The following CPA6 variants were observed in gnomAD, a reference collection of about 807,000 sequenced individuals.
The protein encoded by CPA6 is carboxypeptidase A6.
CPA6 carries 58 observed loss-of-function variants against 63.3 expected under a neutral mutation model. That is an observed-to-expected ratio of 0.92 (90% confidence interval 0.74 to 1.14). CPA6 has a LOEUF of 1.14. Ranked by LOEUF, CPA6 falls within the 50% of genes most tolerant of loss-of-function variation. The pLI is 0.00. For missense variants in CPA6, 565 were observed against 526.6 expected (o/e 1.07, Z -0.71); for synonymous variants, 185 against 179.0 (o/e 1.03, Z -0.27).
At chr8:67,582,567 GA>G (rs1181476906) in intron 2 of CPA6, among the ~76,000 whole-genome samples, 132 of 152,338 alleles carry the variant, frequency 8.7e-4, no homozygotes, top group African/African-American at 3.0e-3. Flanking sequence ...GCCCTGTTAT[GA>G]ATGCCTGGAG....
At chr8:67,631,945 G>A (rs868464982) in intron 1 of CPA6, among the ~76,000 whole-genome samples, 2 of 151,964 alleles carry the variant, frequency 1.3e-5, no homozygotes, top group East Asian at 1.9e-4. Context: ...GAACATGTCC[G>A]AACATCAGAA....
At chr8:67,597,552 CT>C (rs1218065295) in intron 2 of CPA6, among the ~76,000 whole-genome samples, 1 of 152,144 alleles carries the variant, frequency 6.6e-6, no homozygotes, top group Non-Finnish European at 1.5e-5. Flanking sequence ...TTATGCTTCT[CT>C]CTGGGTATTT....
At chr8:67,643,721 ATTAT>A (rs1196273688) in intron 1 of CPA6, among the ~76,000 whole-genome samples, 1 of 152,178 alleles carries the variant, frequency 6.6e-6, no homozygotes, top group South Asian at 2.1e-4. Context: ...TTGTTGTATA[ATTAT>A]TTGTTAAAAC....
intron 2 of CPA6, among the ~76,000 whole-genome samples, chr8:67,591,410 T>C (rs528433394): frequency 9.2e-4 from 140 of 152,268 alleles, no homozygotes; most frequent in African/African-American, 3.0e-3. Context: ...TAGTTTTTTC[T>C]AATTCTGTGA....
chr8:67,670,553 A>G (rs1816321383), intron 1 of CPA6, among the ~76,000 whole-genome samples: 1 of 152,196 alleles, frequency 6.6e-6, no homozygotes, highest in African/African-American at 2.4e-5. Flanking sequence ...CTGATAAGCC[A>G]TTTATTAATG....
intron 2 of CPA6, among the ~76,000 whole-genome samples, chr8:67,578,022 T>C (rs1309793331): frequency 6.6e-6 from 1 of 152,250 alleles, no homozygotes; most frequent in African/African-American, 2.4e-5. Flanking sequence ...GGCTAAAATT[T>C]GAATTGCATA....
intron 8 of CPA6, among the ~76,000 whole-genome samples, chr8:67,458,236 G>A (rs1810721622): frequency 6.6e-6 from 1 of 152,114 alleles, no homozygotes; most frequent in South Asian, 2.1e-4. Context: ...TCACTCTGTT[G>A]CCCAGGTTGG....
At chr8:67,679,509 T>C (rs1331942009) in intron 1 of CPA6, among the ~76,000 whole-genome samples, 2 of 152,190 alleles carry the variant, frequency 1.3e-5, no homozygotes, top group Non-Finnish European at 2.9e-5. Flanking sequence ...TATAATTGAC[T>C]CAAATATTAC....
chr8:67,478,978 G>A (rs73262680), intron 8 of CPA6, among the ~76,000 whole-genome samples: 10,250 of 152,160 alleles, frequency 0.067, 803 homozygotes, highest in African/African-American at 0.19. Context: ...TTGAGATCAC[G>A]TCACTGCACT....
At chr8:67,616,906 G>C (rs1244762598) in intron 2 of CPA6, among the ~76,000 whole-genome samples, 4 of 152,122 alleles carry the variant, frequency 2.6e-5, no homozygotes, top group Admixed American at 2.0e-4. Context: ...ACAGGTGATG[G>C]CAGGTACATG....
chr8:67,462,582 A>T (rs1810837032), intron 8 of CPA6, among the ~76,000 whole-genome samples: 1 of 152,186 alleles, frequency 6.6e-6, no homozygotes, highest in African/African-American at 2.4e-5. Flanking sequence ...TTGGATGGAC[A>T]TTGCCAAAGA....
chr8:67,675,952 G>T (rs1347317668), intron 1 of CPA6, among the ~76,000 whole-genome samples: 1 of 152,282 alleles, frequency 6.6e-6, no homozygotes, highest in African/African-American at 2.4e-5. Context: ...TTGGACTAAA[G>T]CCATCCTCTA....
At chr8:67,522,169 C>CT (rs35098518) in intron 2 of CPA6, among the ~76,000 whole-genome samples, 12 of 152,028 alleles carry the variant, frequency 7.9e-5, no homozygotes, top group Admixed American at 3.3e-4. Flanking sequence ...TTAAATGGTG[C>CT]TTTTTTCAGG....
At chr8:67,522,471 A>G (rs1297315149) in intron 2 of CPA6, among the ~76,000 whole-genome samples, 1 of 152,196 alleles carries the variant, frequency 6.6e-6, no homozygotes, top group Non-Finnish European at 1.5e-5. Context: ...GGAGTGAGAA[A>G]AAACTGCTGG....
intron 2 of CPA6, among the ~76,000 whole-genome samples, chr8:67,592,746 T>C (rs1484304447): frequency 6.6e-6 from 1 of 152,200 alleles, no homozygotes; most frequent in African/African-American, 2.4e-5. Flanking sequence ...CCCTTTATCA[T>C]TTTTTATTGC....
chr8:67,567,160 A>T (rs1038992943), intron 2 of CPA6, among the ~76,000 whole-genome samples: 2 of 152,198 alleles, frequency 1.3e-5, no homozygotes, highest in African/African-American at 4.8e-5. Flanking sequence ...AATGTGTATG[A>T]TTATTCAGAC....
intron 1 of CPA6, among the ~76,000 whole-genome samples, chr8:67,727,109 T>C (rs1305002280): frequency 3.3e-5 from 5 of 152,122 alleles, no homozygotes; most frequent in Non-Finnish European, 5.9e-5. Context: ...TGTTCATGCT[T>C]CATGCAGAAG....
chr8:67,566,865 T>A (rs139664661), intron 2 of CPA6, among the ~76,000 whole-genome samples: 106 of 152,352 alleles, frequency 7.0e-4, no homozygotes, highest in African/African-American at 2.4e-3. Flanking sequence ...AATCAAATGA[T>A]ATGCCCAGGA....
chr8:67,690,246 G>T (rs1307426222), intron 1 of CPA6, among the ~76,000 whole-genome samples: 1 of 152,146 alleles, frequency 6.6e-6, no homozygotes, highest in African/African-American at 2.4e-5. Context: ...CAGCTAAGTG[G>T]ACTGGTCTGC....
Sources: gnomAD v4.1 joint callset for allele counts (sites outside exome capture counted in the v4.1 genomes callset) on GRCh38, gnomAD v4.1.1 for gene constraint, MANE v1.5 for transcripts, NCBI Gene and HGNC (gene_info 2026-07-23, HGNC 2026-07-21) for gene names.